The following RBM47 variants were observed in gnomAD, a reference collection of about 807,000 sequenced individuals.
The protein encoded by RBM47 is RNA binding motif protein 47.
RBM47 carries 21 observed loss-of-function variants against 47.1 expected under a neutral mutation model. The observed-to-expected ratio is 0.45, with a 90% CI of 0.32 to 0.64. RBM47 has a LOEUF of 0.64. Ranked by LOEUF, RBM47 falls within the 30% of genes least tolerant of loss-of-function variation. The pLI, the probability that RBM47 is intolerant of heterozygous loss-of-function variation, is 0.05. For missense variants in RBM47, 708 were observed against 870.9 expected (o/e 0.81, Z 2.35); for synonymous variants, 375 against 361.7 (o/e 1.04, Z -0.42).
intron 1 of RBM47, among the ~76,000 whole-genome samples, chr4:40,595,296 A>G (rs1245145259): frequency 2.6e-5 from 4 of 151,844 alleles, no homozygotes; most frequent in African/African-American, 9.7e-5. Context: ...TGAGTTCGAG[A>G]CCAGCCTGAC....
chr4:40,590,167 T>C (rs907524714), intron 1 of RBM47, among the ~76,000 whole-genome samples: 2 of 152,158 alleles, frequency 1.3e-5, no homozygotes, highest in African/African-American at 2.4e-5. Flanking sequence ...AAGATGGAAA[T>C]CTAGACGTGT....
intron 1 of RBM47, among the ~76,000 whole-genome samples, chr4:40,584,507 T>C (rs1733343596): frequency 6.6e-6 from 1 of 152,202 alleles, no homozygotes; most frequent in South Asian, 2.1e-4. Context: ...ATCCAAAACA[T>C]TGTCCTTTCA....
At chr4:40,522,806 T>C (rs1481802030) in intron 2 of RBM47, among the ~76,000 whole-genome samples, 1 of 152,124 alleles carries the variant, frequency 6.6e-6, no homozygotes, top group African/African-American at 2.4e-5. Flanking sequence ...TTTGGAAATA[T>C]AATTATTTTT....
chr4:40,593,779 G>A (rs1734493193), intron 1 of RBM47, among the ~76,000 whole-genome samples: 1 of 152,020 alleles, frequency 6.6e-6, no homozygotes, highest in Admixed American at 6.6e-5. Flanking sequence ...AGCTACTCGG[G>A]AGGCTGAGGC....
intron 1 of RBM47, among the ~76,000 whole-genome samples, chr4:40,613,577 T>C (rs933501121): frequency 6.6e-6 from 1 of 152,168 alleles, no homozygotes; most frequent in Non-Finnish European, 1.5e-5. Context: ...CATACCTTCT[T>C]AGACCCTGCA....
At chr4:40,564,406 TACCCAGGAAAGCTGCAC>T (rs1211415503) in intron 1 of RBM47, among the ~76,000 whole-genome samples, 2 of 152,208 alleles carry the variant, frequency 1.3e-5, no homozygotes, top group Non-Finnish European at 2.9e-5. Context: ...CACACACACA[TACCCAGGAAAGCTGCAC>T]ACCCAGGAAA....
intron 2 of RBM47, among the ~76,000 whole-genome samples, chr4:40,513,161 C>T (rs938930186): frequency 2.0e-4 from 30 of 152,284 alleles, no homozygotes; most frequent in African/African-American, 7.2e-4. Context: ...AAATGTCTTC[C>T]AATTTTGAAA....
chr4:40,563,962 C>T (rs1037934119), intron 1 of RBM47, among the ~76,000 whole-genome samples: 2 of 152,220 alleles, frequency 1.3e-5, no homozygotes, highest in Admixed American at 1.3e-4. Context: ...CTTGTAATCC[C>T]GGCACTTTGG....
Position 40,425,912 on chromosome 4 carries a change from T to C in RBM47, c.1774A>G (p.Thr592Ala). 6.2e-7 allele frequency: 1 copy of C among 1,614,162 alleles called. No homozygotes were observed. Among genetic ancestry groups the C allele is most frequent in the Admixed American group, 1.7e-5 (1 of 60,022 alleles). ...CGTGCTGGTCACCAGCCTCAGTATG[T>C]CTGGTAGACGTCGGGGATGGGGACC... ...IQVPIPDVYQ[T>A]Y Residue 592 changes from threonine to alanine, a missense_variant, in exon 7 of 7, where the codon ACA becomes GCA. Physicochemically the swap from Thr to Ala is moderately conservative, Grantham distance 58. Transcript: ENST00000295971.
At chr4:40,542,921 T>C (rs887252841) in intron 2 of RBM47, 4 of 152,344 alleles carry the variant, frequency 2.6e-5, no homozygotes, top group African/African-American at 9.6e-5. Flanking sequence ...TTTAATATCT[T>C]CTGTGACTAC....
intron 2 of RBM47, among the ~76,000 whole-genome samples, chr4:40,538,660 G>A (rs1013912099): frequency 6.7e-6 from 1 of 150,224 alleles, no homozygotes; most frequent in East Asian, 2.0e-4. Context: ...GTTTTGAGAC[G>A]GAGTCTTGCT....
intron 1 of RBM47, among the ~76,000 whole-genome samples, chr4:40,551,337 G>A (rs113622917): frequency 0.012 from 1,897 of 152,196 alleles, 15 homozygotes; most frequent in Middle Eastern, 0.037. Context: ...CTTTTGCAAC[G>A]TGGAATCAGC....
chr4:40,528,692 G>C (rs1234368696), intron 2 of RBM47, among the ~76,000 whole-genome samples: 1 of 152,112 alleles, frequency 6.6e-6, no homozygotes, highest in East Asian at 1.9e-4. Flanking sequence ...TTGAACCTGG[G>C]AGGTGGAGGT....
chr4:40,545,196 C>T (rs1728906757), intron 1 of RBM47, among the ~76,000 whole-genome samples: 2 of 151,394 alleles, frequency 1.3e-5, no homozygotes, highest in African/African-American at 4.8e-5. Flanking sequence ...GGATTACAGG[C>T]ATGCCCCACC....
chr4:40,594,509 T>TACCGG (rs71648911), intron 1 of RBM47, among the ~76,000 whole-genome samples: 45,612 of 151,648 alleles, frequency 0.3, 7,729 homozygotes, highest in Non-Finnish European at 0.36. Flanking sequence ...CTGTCAAAGC[T>TACCGG]ACTCCTCTGC....
At chr4:40,593,151 C>T (rs1441980949) in intron 1 of RBM47, among the ~76,000 whole-genome samples, 10 of 148,080 alleles carry the variant, frequency 6.8e-5, no homozygotes, top group East Asian at 2.0e-4. Context: ...CCCGCGACCA[C>T]GCCAGGCTAA....
intron 2 of RBM47, among the ~76,000 whole-genome samples, chr4:40,501,277 T>C (rs1411295249): frequency 2.6e-5 from 4 of 152,168 alleles, no homozygotes; most frequent in Admixed American, 6.5e-5. Context: ...AAGGTTGTAA[T>C]AAAATTTGGA....
intron 1 of RBM47, among the ~76,000 whole-genome samples, chr4:40,580,821 G>T (rs1379847869): frequency 1.3e-5 from 2 of 152,214 alleles, no homozygotes; most frequent in Non-Finnish European, 2.9e-5. Context: ...AGAGGAATGG[G>T]ACAGAGATTA....
At chr4:40,602,664 A>C (rs1735392019) in intron 1 of RBM47, among the ~76,000 whole-genome samples, 1 of 151,206 alleles carries the variant, frequency 6.6e-6, no homozygotes, top group African/African-American at 2.4e-5. Context: ...AAAAAAAAAA[A>C]GGAATATCAT....
Sources: gnomAD v4.1 joint callset for allele counts (sites outside exome capture counted in the v4.1 genomes callset) on GRCh38, gnomAD v4.1.1 for gene constraint, MANE v1.5 for transcripts, NCBI Gene and HGNC (gene_info 2026-07-23, HGNC 2026-07-21) for gene names.